Variants in EPG5 observed in about 807,000 individuals in gnomAD.
EPG5 encodes the protein ectopic P granules protein 5 homolog.
Under a neutral mutation model 302.7 loss-of-function variants are expected in EPG5, and 159 were observed. The observed-to-expected ratio is 0.53, with a 90% CI of 0.46 to 0.60. The LOEUF (loss-of-function observed/expected upper bound fraction) is 0.60. Among genes scored for constraint, EPG5 ranks in the 20% least tolerant of loss-of-function variants. EPG5 has a pLI of 0.00. For synonymous variants in EPG5, 1,158 were observed against 1,136.8 expected (o/e 1.02, Z -0.37); for missense variants, 2,896 against 3,092.4 (o/e 0.94, Z 1.51).
chr18:45,805,008 A>C, the EPG5 span, among the ~76,000 whole-genome samples: 1 of 152,306 alleles, frequency 6.6e-6, no homozygotes, highest in African/African-American at 2.4e-5. Context: ...GGGACAATGT[A>C]AACTCAAATC....
intron 16 of EPG5, 95 bp from the exon 17 acceptor site, chr18:45,917,914 A>G (rs1165547788): frequency 7.7e-7 from 1 of 1,305,624 alleles, no homozygotes. Flanking sequence ...ACCTTGGGTT[A>G]TCTCAGGTCT....
At chr18:45,826,303 G>A in the EPG5 span, among the ~76,000 whole-genome samples, 1 of 152,158 alleles carries the variant, frequency 6.6e-6, no homozygotes, top group African/African-American at 2.4e-5. Flanking sequence ...CACTGTGGCA[G>A]GTTTAAGCAA....
At chr18:45,854,958 G>A (rs933025134) in intron 43 of EPG5, among the ~76,000 whole-genome samples, 1 of 152,182 alleles carries the variant, frequency 6.6e-6, no homozygotes, top group Admixed American at 6.5e-5. Context: ...ACTTATAATA[G>A]TACCTGGCAC....
At chr18:45,845,877 T>G (rs1166906611), downstream of EPG5, among the ~76,000 whole-genome samples, 1 of 152,210 alleles carries the variant, frequency 6.6e-6, no homozygotes, top group South Asian at 2.1e-4. Flanking sequence ...ACACTTTCCC[T>G]GCTGCCAACT....
At chr18:45,861,844 T>C (rs183399481) in intron 39 of EPG5, among the ~76,000 whole-genome samples, 1 of 152,296 alleles carries the variant, frequency 6.6e-6, no homozygotes. Context: ...TTGTTTTATC[T>C]GGTATGACAA....
intron 36 of EPG5, among the ~76,000 whole-genome samples, chr18:45,869,853 A>C (rs1406223475): frequency 6.6e-6 from 1 of 152,112 alleles, no homozygotes; most frequent in Non-Finnish European, 1.5e-5. Context: ...TGTGACAGTA[A>C]GAGTAAACAC....
intron 5 of EPG5, among the ~76,000 whole-genome samples, chr18:45,949,104 A>G (rs2050849267): frequency 6.6e-6 from 1 of 152,164 alleles, no homozygotes; most frequent in African/African-American, 2.4e-5. Flanking sequence ...ATATTAAAGA[A>G]CTTTGAGATG....
chr18:45,913,706 C>T lies in EPG5; in HGVS notation c.3816G>A (p.Lys1272=). 1 of 1,613,940 alleles carries T rather than the reference C, an allele frequency of 6.2e-7. No individual in the cohort carries two copies. Among genetic ancestry groups the T allele is most frequent in the Non-Finnish European group, 8.5e-7 (1 of 1,179,906 alleles). The change falls in exon 21 of 44, where the codon AAG becomes AAA. Residue 1272 remains lysine (K), a splice_region_variant and synonymous_variant. Transcript: ENST00000282041. ...NSAFTPDQAL[K]KAQTQLKLPI... The stretch of plus-strand genomic sequence containing the variant: ...TCAAATGCAGAACTGCTATTTGTAC[C>T]TTCAGAGCTTGGTCAGGGGTGAAAG...
intron 12 of EPG5, 46 bp downstream of exon 12, chr18:45,930,630 C>A: frequency 2.7e-6 from 4 of 1,469,694 alleles, no homozygotes; most frequent in Non-Finnish European, 3.6e-6. Flanking sequence ...ATGGACAATC[C>A]AAAAGAAAAC....
Position 45,953,920 on chromosome 18 carries a change from A to AT in EPG5, c.1008+473dup, listed in dbSNP as rs1248756854. ...AACCTTGACACTCTCTTCCCATTGG[A>AT]TGTTGGTAGCATTATGCCCAAGGTC... On this transcript the variant is annotated intron_variant, in intron 2 of 43. Transcript: ENST00000282041. 3.0e-6 allele frequency: 3 copies of AT among 985,146 alleles called. No individual in the cohort carries two copies. The African/African-American group carries it at 5.2e-5, about 17-fold the overall frequency. The allele number at this position is 985,146 out of a possible 1,614,324, so 61.0% of individuals were successfully genotyped here. A position where few individuals can be genotyped will look rare whatever the true frequency, so the allele number is the denominator to read the frequency against.
At chr18:45,921,202 TCTC>T (rs781381167) in intron 16 of EPG5, among the ~76,000 whole-genome samples, 2 of 152,100 alleles carry the variant, frequency 1.3e-5, no homozygotes, top group African/African-American at 2.4e-5. Flanking sequence ...ATTCTTTATC[TCTC>T]CTACTTCATA....
At chr18:45,923,488 C>T (rs2050201114) in intron 14 of EPG5, 101 bp from the exon 15 acceptor site, 6 of 1,274,894 alleles carry the variant, frequency 4.7e-6, no homozygotes, top group African/African-American at 3.0e-5. Context: ...AAAGGATCTT[C>T]GATGTAGAAG....
At chr18:45,907,890 A>G (rs2049792595) in intron 24 of EPG5, 68 bp downstream of exon 24, 1 of 1,417,322 alleles carries the variant, frequency 7.1e-7, no homozygotes, top group South Asian at 1.4e-5. Flanking sequence ...TATTATGAAT[A>G]TGACCAGTTC....
chr18:45,912,388 G>A lies in EPG5; in HGVS notation c.3885C>T (p.Ala1295=). The A allele has an allele frequency of 6.2e-7, 1 of 1,611,300 alleles. No homozygotes were observed. Among genetic ancestry groups the A allele is most frequent in the Non-Finnish European group, 8.5e-7 (1 of 1,179,076 alleles). ...CAGAAGGTGTGACCAGAGCCTGGTGGGCCCAGCGATAAATCAGCAGCCTCT... is the reference window on the plus strand; with the variant it reads ...CAGAAGGTGTGACCAGAGCCTGGTGAGCCCAGCGATAAATCAGCAGCCTCT... The part of the protein sequence containing the change: ...SLQRLLIYRW[A]HQALVTPSDH... The change falls in exon 22 of 44, where the codon GCC becomes GCT. Residue 1295 remains alanine (A), a synonymous_variant. Coordinates refer to ENST00000282041, the MANE Select transcript of EPG5 (RefSeq NM_020964.3).
intron 24 of EPG5, among the ~76,000 whole-genome samples, chr18:45,905,303 A>G (rs1029570026): frequency 1.3e-5 from 2 of 152,160 alleles, no homozygotes; most frequent in African/African-American, 4.8e-5. Context: ...TTTGGATTTT[A>G]AGTGTTCTAA....
intron 16 of EPG5, among the ~76,000 whole-genome samples, chr18:45,919,046 C>T (rs2050092430): frequency 6.6e-6 from 1 of 152,072 alleles, no homozygotes; most frequent in Non-Finnish European, 1.5e-5. Context: ...ATTATACATA[C>T]ATCTTTAAAA....
the EPG5 span, chr18:45,837,758 C>T: frequency 6.6e-7 from 1 of 1,519,616 alleles, no homozygotes; most frequent in Non-Finnish European, 8.8e-7. Flanking sequence ...GCTGGGCAAC[C>T]CGCGCCGCAA....
At position 45,870,626 on chromosome 18, in the gene EPG5, G is replaced by A. The variant is rs116076204; in HGVS notation, c.6166C>T (p.Arg2056Trp). 4.6e-4 allele frequency: 748 copies of A among 1,613,930 alleles called. 3 individuals are homozygous for A. The African/African-American group carries it at 8.0e-3, about 17-fold the overall frequency. ...FILYAFHSTY[R>W]KLPWKDLHPD... is the part of the protein sequence containing the mutation. Reference sequence around the variant, plus strand: ...TGCAGGTCCTTCCATGGCAGTTTCCGGTACGTGCTATGGAAAGCGTACAGA... The same window carrying A: ...TGCAGGTCCTTCCATGGCAGTTTCCAGTACGTGCTATGGAAAGCGTACAGA... Residue 2056 changes from arginine (R) to tryptophan (W), a missense_variant, in exon 36 of 44, where the codon CGG (arginine) becomes TGG (tryptophan). Arg to Trp is a moderately radical substitution (Grantham distance 101). Coordinates refer to ENST00000282041, the MANE Select transcript of EPG5 (RefSeq NM_020964.3).
Position 45,955,234 on chromosome 18 carries a change from T to A in EPG5, c.168A>T (p.Lys56Asn). The A allele has an allele frequency of 6.2e-7, 1 of 1,614,212 alleles. No homozygotes were observed. Among genetic ancestry groups the A allele is most frequent in the Non-Finnish European group, 8.5e-7 (1 of 1,180,030 alleles). Residue 56 changes from lysine (K) to asparagine (N), a missense_variant, in exon 2 of 44, where the codon AAA (lysine) becomes AAT (asparagine). Around this residue, in one of 5 missense-constraint regions of EPG5, gnomAD observed 1,390 missense variants for 1,430.0 expected, o/e 0.97. Coordinates refer to ENST00000282041, the MANE Select transcript of EPG5 (RefSeq NM_020964.3). The stretch of plus-strand genomic sequence containing the variant: ...CAGTTACCACCTTCAGATGGTCTCC[T>A]TTGAATTCACAGGCTAGAGAAGGGA... ...QEIPSLACEF[K>N]GDHLKVVTDS...
Sources: allele counts gnomAD v4.1 joint callset (sites outside exome capture counted in the v4.1 genomes callset), GRCh38; gene constraint gnomAD v4.1.1; regional missense constraint gnomAD v4.1.1; transcripts MANE v1.5; gene names NCBI Gene and HGNC (gene_info 2026-07-23, HGNC 2026-07-21).